Variants in RBPMS observed in about 807,000 individuals in gnomAD.
RBPMS encodes RNA-binding protein with multiple splicing.
In RBPMS, 7 loss-of-function variants were observed where a neutral mutation model predicts 26.8. The observed-to-expected ratio is 0.26, with a 90% CI of 0.15 to 0.49. The LOEUF is 0.49. RBPMS is among the 20% of genes least tolerant of loss of function. RBPMS has a pLI of 0.98. For synonymous variants in RBPMS, 96 were observed against 93.3 expected, an observed-to-expected ratio of 1.03 and a Z score of -0.17; for missense variants, 186 against 250.0, an observed-to-expected ratio of 0.74 and a Z score of 1.73.
At chr8:30,517,749 A>G (rs939887973) in intron 5 of RBPMS, among the ~76,000 whole-genome samples, 7 of 152,208 alleles carry the variant, frequency 4.6e-5, no homozygotes, top group African/African-American at 1.7e-4. Flanking sequence ...GTTATAGACA[A>G]TGCTTGTGCA....
chr8:30,424,706 T>C (rs1811159483), intron 1 of RBPMS, among the ~76,000 whole-genome samples: 2 of 152,190 alleles, frequency 1.3e-5, no homozygotes, highest in African/African-American at 4.8e-5. Flanking sequence ...TGTTACACAG[T>C]GTCTGGTACA....
chr8:30,563,178 G>GA (rs1348006755), intron 7 of RBPMS, among the ~76,000 whole-genome samples: 6 of 152,176 alleles, frequency 3.9e-5, no homozygotes, highest in Non-Finnish European at 8.8e-5. Flanking sequence ...GCCATCAGGA[G>GA]AGGGGGGGTC....
At chr8:30,449,135 G>GCAC (rs1195259536) in intron 1 of RBPMS, among the ~76,000 whole-genome samples, 4 of 152,248 alleles carry the variant, frequency 2.6e-5, no homozygotes, top group African/African-American at 9.6e-5. Flanking sequence ...TCCCATTGTG[G>GCAC]CACGTATTCC....
intron 4 of RBPMS, among the ~76,000 whole-genome samples, chr8:30,492,293 T>C (rs2150891624): frequency 6.6e-6 from 1 of 152,340 alleles, no homozygotes; most frequent in African/African-American, 2.4e-5. Flanking sequence ...CACACATGCA[T>C]GCATCCATTG....
At chr8:30,457,455 A>T (rs906003819) in intron 1 of RBPMS, among the ~76,000 whole-genome samples, 1 of 152,086 alleles carries the variant, frequency 6.6e-6, no homozygotes, top group Non-Finnish European at 1.5e-5. Context: ...TTGTTTAGTG[A>T]TATGCAATTT....
At chr8:30,570,162 A>G (rs1828171582) in intron 8 of RBPMS, among the ~76,000 whole-genome samples, 1 of 151,770 alleles carries the variant, frequency 6.6e-6, no homozygotes, top group Non-Finnish European at 1.5e-5. Context: ...ATTTTCCCAA[A>G]TCTAACTTGG....
intron 4 of RBPMS, among the ~76,000 whole-genome samples, chr8:30,486,357 A>AC (rs111644748): frequency 2.2e-4 from 26 of 115,714 alleles, no homozygotes; most frequent in African/African-American, 8.0e-4. Context: ...TAAATAAATA[A>AC]ATAACATAAA....
At chr8:30,489,771 T>C (rs1819190741) in intron 4 of RBPMS, among the ~76,000 whole-genome samples, 1 of 149,990 alleles carries the variant, frequency 6.7e-6, no homozygotes, top group African/African-American at 2.5e-5. Flanking sequence ...CACTGGTGTT[T>C]TTATTTTTTC....
At chr8:30,485,306 C>G (rs558655696) in intron 4 of RBPMS, among the ~76,000 whole-genome samples, 1 of 152,314 alleles carries the variant, frequency 6.6e-6, no homozygotes, top group East Asian at 1.9e-4. Flanking sequence ...GATGGCCTAT[C>G]TCAACTCCCA....
At chr8:30,431,218 G>A (rs1317547622) in intron 1 of RBPMS, among the ~76,000 whole-genome samples, 2 of 152,046 alleles carry the variant, frequency 1.3e-5, no homozygotes, top group African/African-American at 2.4e-5. Flanking sequence ...TTTATTGTGT[G>A]GCATAGGGTG....
intron 1 of RBPMS, among the ~76,000 whole-genome samples, chr8:30,415,983 A>G (rs889571462): frequency 2.0e-5 from 3 of 152,192 alleles, no homozygotes; most frequent in African/African-American, 7.2e-5. Flanking sequence ...CCTTTGTAAC[A>G]TTCCAAGTGA....
chr8:30,506,336 TAAAAAAAA>T lies in RBPMS; in HGVS notation c.397+1915_397+1922del, dbSNP rs34344286. Among the ~76,000 whole-genome samples, 4 of 132,132 alleles carry T rather than the reference TAAAAAAAA, an allele frequency of 3.0e-5. No homozygotes were observed. In the East Asian group the frequency reaches 6.4e-4, roughly 21 times the overall value. 86.7% of individuals were successfully genotyped at this position (132,132 alleles called of 152,430 possible). ...TTCACAGCAACACAAATTTGAAGTT[TAAAAAAAA>T]AAAAAAAAAAAAAATCCAAGCAGCC... On this transcript the variant is annotated intron_variant, in intron 5 of 8. Transcript: ENST00000397323.
chr8:30,385,060 C>A lies in RBPMS; in HGVS notation c.-33C>A. The A allele has an allele frequency of 2.0e-6, 3 of 1,491,276 alleles. No individual in the cohort carries two copies. The highest frequency in any genetic ancestry group is 2.7e-6 in the Non-Finnish European group (3 of 1,117,466). The allele number at this position is 1,491,276 out of a possible 1,614,324, so 92.4% of individuals were successfully genotyped here. ...GCCCTCGCCCAGCCCCGCGCCCCAGCCCTGCCCGGCCCGGCGAGGAAGGAC... is the reference window on the plus strand; with the variant it reads ...GCCCTCGCCCAGCCCCGCGCCCCAGACCTGCCCGGCCCGGCGAGGAAGGAC... On this transcript the variant is annotated 5_prime_UTR_variant, in exon 1 of 9. Transcript: ENST00000397323.
intron 1 of RBPMS, among the ~76,000 whole-genome samples, chr8:30,393,815 G>C (rs542235772): frequency 6.6e-6 from 1 of 151,388 alleles, no homozygotes; most frequent in Non-Finnish European, 1.5e-5. Context: ...CACCATGCCT[G>C]GCCATATTTT....
intron 6 of RBPMS, among the ~76,000 whole-genome samples, chr8:30,547,933 T>C (rs1051469331): frequency 1.3e-5 from 2 of 152,226 alleles, no homozygotes; most frequent in African/African-American, 4.8e-5. Flanking sequence ...CGGCTTCAGC[T>C]GTGGTCTGGT....
chr8:30,450,920 T>G (rs1004103433), intron 1 of RBPMS, among the ~76,000 whole-genome samples: 7 of 151,910 alleles, frequency 4.6e-5, no homozygotes, highest in African/African-American at 1.7e-4. Flanking sequence ...AAGGCAGATA[T>G]ATATCTGGTA....
Position 30,479,522 on chromosome 8 carries a change from A to C in RBPMS, c.246+145A>C. On this transcript the variant is annotated intron_variant, in intron 4 of 8. Coordinates refer to ENST00000397323, the MANE Select transcript of RBPMS (RefSeq NM_001008710.3). ...TTCATCAATTTAATTAGCACTCTAA[A>C]GAGCTTTTTCCAAGAATTGTGATCA... is the stretch of plus-strand genomic sequence containing the variant. The C allele has an allele frequency of 4.3e-6, 3 of 702,002 alleles. No individual in the cohort carries two copies. In the East Asian group the frequency reaches 8.1e-5, roughly 19 times the overall value. The allele number at this position is 702,002 out of a possible 1,614,324, so 43.5% of individuals were successfully genotyped here. A position where few individuals can be genotyped will look rare whatever the true frequency, so the allele number is the denominator to read the frequency against.
At chr8:30,409,051 G>T (rs1242082584) in intron 1 of RBPMS, among the ~76,000 whole-genome samples, 1 of 152,148 alleles carries the variant, frequency 6.6e-6, no homozygotes, top group Non-Finnish European at 1.5e-5. Context: ...GAATGATACC[G>T]CCATTGTATG....
At chr8:30,423,982 C>T (rs1421288991) in intron 1 of RBPMS, among the ~76,000 whole-genome samples, 1 of 152,028 alleles carries the variant, frequency 6.6e-6, no homozygotes, top group African/African-American at 2.4e-5. Context: ...GGACCTCAGA[C>T]GTGCACCACC....
Sources: allele counts gnomAD v4.1 joint callset (sites outside exome capture counted in the v4.1 genomes callset), GRCh38; gene constraint gnomAD v4.1.1; transcripts MANE v1.5; gene names NCBI Gene and HGNC (gene_info 2026-07-23, HGNC 2026-07-21).